Variants in LRCH1 observed in about 807,000 individuals in gnomAD.
The protein encoded by LRCH1 is leucine-rich repeat and calponin homology domain-containing protein 1.
In LRCH1, 23 loss-of-function variants were observed where a neutral mutation model predicts 94.9. The ratio of observed to expected loss-of-function variants is 0.24; its 90% CI spans 0.17 to 0.34. The LOEUF is 0.34. Among genes scored for constraint, LRCH1 ranks in the 10% least tolerant of loss-of-function variants. The pLI is 1.00. For synonymous variants in LRCH1, 364 were observed against 354.9 expected, an observed-to-expected ratio of 1.03 and a Z score of -0.29; for missense variants, 790 against 945.9, an observed-to-expected ratio of 0.84 and a Z score of 2.16.
intron 1 of LRCH1, 63 bp downstream of exon 1, chr13:46,553,766 C>G (rs2050030496): frequency 3.2e-6 from 5 of 1,579,786 alleles, no homozygotes; most frequent in Non-Finnish European, 4.3e-6. Flanking sequence ...TCGTGCGTTC[C>G]CTAACGCGGT....
exon 19 of LRCH1, chr13:46,752,961 C>T (rs1381989456): frequency 6.6e-6 from 1 of 152,024 alleles, no homozygotes; most frequent in Non-Finnish European, 1.5e-5. Flanking sequence ...CTGACAGTAT[C>T]GTCAGTGGAC....
chr13:46,740,752 G>A (rs1873609523), intron 19 of LRCH1, among the ~76,000 whole-genome samples: 1 of 152,154 alleles, frequency 6.6e-6, no homozygotes, highest in Admixed American at 6.5e-5. Flanking sequence ...TCCGGTTCAG[G>A]AATTCAGCAT....
chr13:46,682,528 G>A (rs771742770), intron 4 of LRCH1, among the ~76,000 whole-genome samples: 1 of 152,168 alleles, frequency 6.6e-6, no homozygotes, highest in Non-Finnish European at 1.5e-5. Flanking sequence ...GGTATGTGAC[G>A]TTTTGGAACG....
chr13:46,734,377 T>C lies in LRCH1; in HGVS notation c.2085+379T>C, dbSNP rs1432989519. 3.3e-5 allele frequency among the ~76,000 whole-genome samples: 5 copies of C among 152,208 alleles called. No individual in the cohort carries two copies. The East Asian group carries it at 7.7e-4, about 23-fold the overall frequency. ...CTGATGGTTTTCTTATCCCAGGCTC[T>C]GAAGAAAAGACCTGCTGATTATTGA... On this transcript the variant is annotated intron_variant, in intron 19 of 19. Coordinates refer to ENST00000389797, the MANE Select transcript of LRCH1 (RefSeq NM_001164211.2).
chr13:46,631,908 A>G (rs1264471634), intron 1 of LRCH1, among the ~76,000 whole-genome samples: 1 of 152,198 alleles, frequency 6.6e-6, no homozygotes, highest in African/African-American at 2.4e-5. Flanking sequence ...TATGAGATTA[A>G]GACTTAATTC....
chr13:46,599,132 A>C (rs2137978236), intron 1 of LRCH1, among the ~76,000 whole-genome samples: 1 of 152,322 alleles, frequency 6.6e-6, no homozygotes, highest in South Asian at 2.1e-4. Context: ...GCATTATATA[A>C]TGTCCTTAAG....
intron 1 of LRCH1, among the ~76,000 whole-genome samples, chr13:46,575,510 A>ATGTGTGTGTGTGTGTGTGTGTG (rs59582784): frequency 2.1e-5 from 3 of 143,370 alleles, no homozygotes; most frequent in East Asian, 2.1e-4. Flanking sequence ...CTGTGCATGA[A>ATGTGTGTGTGTGTGTGTGTGTG]TGTGTGTGTG....
At chr13:46,713,608 G>T (rs1245998455) in intron 15 of LRCH1, among the ~76,000 whole-genome samples, 1 of 152,234 alleles carries the variant, frequency 6.6e-6, no homozygotes. Flanking sequence ...AAAGCCATTT[G>T]AGAAAGTGCT....
At chr13:46,736,474 G>T (rs1873391421) in intron 19 of LRCH1, among the ~76,000 whole-genome samples, 1 of 152,026 alleles carries the variant, frequency 6.6e-6, no homozygotes, top group Non-Finnish European at 1.5e-5. Context: ...TACCTAGGAG[G>T]GTTGATGACT....
intron 11 of LRCH1, among the ~76,000 whole-genome samples, chr13:46,701,703 C>T (rs905806979): frequency 7.9e-5 from 12 of 152,116 alleles, no homozygotes; most frequent in African/African-American, 2.4e-4. Flanking sequence ...TTGCCTTGAT[C>T]GATAATAGGC....
chr13:46,630,663 TTG>T (rs2051007341), intron 1 of LRCH1, among the ~76,000 whole-genome samples: 1 of 152,230 alleles, frequency 6.6e-6, no homozygotes, highest in African/African-American at 2.4e-5. Context: ...ACTGCAGTGT[TTG>T]TTAAATGTAA....
exon 19 of LRCH1, chr13:46,752,729 A>G (rs1874193466): frequency 1.3e-5 from 2 of 152,208 alleles, no homozygotes; most frequent in African/African-American, 4.8e-5. Context: ...ATATGGTAGC[A>G]TGAAGCTTTG....
At chr13:46,561,309 CT>C (rs1339351278) in intron 1 of LRCH1, among the ~76,000 whole-genome samples, 2 of 152,280 alleles carry the variant, frequency 1.3e-5, no homozygotes, top group African/African-American at 4.8e-5. Context: ...CTTCCTTCTG[CT>C]GTTTGCTTTT....
chr13:46,678,159 C>T (rs1402444205), intron 3 of LRCH1, among the ~76,000 whole-genome samples: 2 of 152,090 alleles, frequency 1.3e-5, no homozygotes, highest in African/African-American at 4.8e-5. Context: ...AAAATTCATA[C>T]CTTATCTTAG....
chr13:46,633,776 A>G (rs192050537), intron 1 of LRCH1, among the ~76,000 whole-genome samples: 56 of 151,840 alleles, frequency 3.7e-4, no homozygotes, highest in Admixed American at 7.2e-4. Flanking sequence ...CATACTCTCT[A>G]CTTGGTTGCT....
At chr13:46,563,717 A>T (rs1443179797) in intron 1 of LRCH1, among the ~76,000 whole-genome samples, 1 of 152,198 alleles carries the variant, frequency 6.6e-6, no homozygotes, top group Non-Finnish European at 1.5e-5. Flanking sequence ...ACTCCAAGCA[A>T]TGCCTTTCTA....
chr13:46,559,111 A>G (rs1235396088), intron 1 of LRCH1, among the ~76,000 whole-genome samples: 1 of 152,248 alleles, frequency 6.6e-6, no homozygotes, highest in East Asian at 1.9e-4. Flanking sequence ...TGGAATTCAC[A>G]GAAGACTTGA....
chr13:46,745,583 A>AC (rs1873877803), downstream of LRCH1, among the ~76,000 whole-genome samples: 1 of 152,136 alleles, frequency 6.6e-6, no homozygotes, highest in African/African-American at 2.4e-5. Flanking sequence ...ATGGTTGCAA[A>AC]GTAAATAATC....
At position 46,744,414 on chromosome 13, in the gene LRCH1, C is replaced by T. The variant is rs1006520549; in HGVS notation, c.*2566C>T. 3.0e-6 allele frequency: 3 copies of T among 984,962 alleles called. No individual in the cohort carries two copies. Among genetic ancestry groups the T allele is most frequent in the Non-Finnish European group, 3.6e-6 (3 of 829,930 alleles). 61.0% of individuals were successfully genotyped at this position (984,962 alleles called of 1,614,324 possible). A position where few individuals can be genotyped will look rare whatever the true frequency, so the allele number is the denominator to read the frequency against. On this transcript the variant is annotated 3_prime_UTR_variant, in exon 20 of 20. Coordinates refer to ENST00000389797, the MANE Select transcript of LRCH1 (RefSeq NM_001164211.2). ...GTTTCTCCAACTGGTGGCAACTCTC[C>T]ACTCAGTGTCAGGAATTCCAAAATT...
Sources: allele counts gnomAD v4.1 joint callset (sites outside exome capture counted in the v4.1 genomes callset), GRCh38; gene constraint gnomAD v4.1.1; transcripts MANE v1.5; gene names NCBI Gene and HGNC (gene_info 2026-07-23, HGNC 2026-07-21).